The following KANK1 variants were observed in gnomAD, a reference collection of about 807,000 sequenced individuals.
KANK1 encodes the protein KN motif and ankyrin repeat domains 1, also known as KN motif and ankyrin repeat domain-containing protein 1.
In KANK1, 109 loss-of-function variants were observed where a neutral mutation model predicts 106.2. The ratio of observed to expected loss-of-function variants is 1.03; its 90% CI spans 0.88 to 1.20. The LOEUF (loss-of-function observed/expected upper bound fraction) is 1.20. KANK1 is among the 50% of genes most tolerant of loss of function. The pLI is 0.00. For missense variants in KANK1, 2,399 were observed against 1,710.7 expected, an observed-to-expected ratio of 1.40 and a Z score of -7.10; for synonymous variants, 873 against 652.2, an observed-to-expected ratio of 1.34 and a Z score of -5.16.
At chr9:645,671 C>A (rs1266700781) in intron 1 of KANK1, among the ~76,000 whole-genome samples, 1 of 150,402 alleles carries the variant, frequency 6.6e-6, no homozygotes, top group African/African-American at 2.5e-5. Context: ...CACCTGAGAT[C>A]AGGAGTTCGA....
At chr9:727,950 T>C (rs1022274450) in intron 3 of KANK1, among the ~76,000 whole-genome samples, 1 of 152,042 alleles carries the variant, frequency 6.6e-6, no homozygotes, top group Admixed American at 6.6e-5. Context: ...GTTCAGGCCA[T>C]GATGGGAAGG....
intron 1 of KANK1, among the ~76,000 whole-genome samples, chr9:635,715 T>TTTTTG (rs1488932154): frequency 9.6e-5 from 14 of 146,190 alleles, no homozygotes; most frequent in Non-Finnish European, 2.0e-4. Context: ...TTTTTTTTTT[T>TTTTTG]TGAGACGGAG....
chr9:630,530 G>A (rs1470956970), intron 1 of KANK1, among the ~76,000 whole-genome samples: 21 of 151,686 alleles, frequency 1.4e-4, no homozygotes, highest in Non-Finnish European at 2.2e-4. Flanking sequence ...CAGCCTGGGC[G>A]ACAGAGCGAG....
At chr9:645,015 T>C (rs1839328821) in intron 1 of KANK1, among the ~76,000 whole-genome samples, 1 of 148,564 alleles carries the variant, frequency 6.7e-6, no homozygotes, top group Admixed American at 6.7e-5. Flanking sequence ...TCCCAGCTAC[T>C]CTGGAGGCTC....
chr9:524,515 G>GT (rs1040898039), intron 1 of KANK1, among the ~76,000 whole-genome samples: 2 of 151,562 alleles, frequency 1.3e-5, no homozygotes, highest in African/African-American at 2.4e-5. Context: ...TTATTGTGGG[G>GT]TTTTTTGTTT....
chr9:677,538 T>G (rs1398022904), intron 2 of KANK1: 1 of 152,258 alleles, frequency 6.6e-6, no homozygotes, highest in Non-Finnish European at 1.5e-5. Context: ...TATTAGAGAC[T>G]TACATAGTTT....
At position 473,274 on chromosome 9, in the gene KANK1, G is replaced by GT; in HGVS notation, c.-362+2dup. 1 of 152,346 alleles carries GT rather than the reference G, an allele frequency of 6.6e-6. No homozygotes were observed. The highest frequency in any genetic ancestry group is 2.1e-4 in the South Asian group (1 of 4,826). 9.4% of individuals were successfully genotyped at this position (152,346 alleles called of 1,614,324 possible). On this transcript the variant is annotated splice_donor_variant, in intron 3 of 15. Transcript: ENST00000382303. LOFTEE classifies it low-confidence loss of function (5UTR_SPLICE). ...TAAATAGCAGAGACAGAATTTGAAC[G>GT]TGAGTCTGACTGATTCCAAAACCCA... is the stretch of plus-strand genomic sequence containing the variant.
intron 1 of KANK1, among the ~76,000 whole-genome samples, chr9:639,942 A>C (rs2137100725): frequency 6.6e-6 from 1 of 152,206 alleles, no homozygotes; most frequent in East Asian, 1.9e-4. Flanking sequence ...TGAGGGTTCT[A>C]CCCTGATGAT....
At chr9:601,491 G>A (rs1215294520) in intron 1 of KANK1, among the ~76,000 whole-genome samples, 2 of 151,760 alleles carry the variant, frequency 1.3e-5, no homozygotes, top group Non-Finnish European at 2.9e-5. Context: ...ATGTTTCCTA[G>A]TGTTTACCTT....
Position 711,625 on chromosome 9 carries a change from C to T in KANK1, c.859C>T (p.Leu287Phe). ...GGAGCAGGTGCGAACCATCCCTGTGCTCCAGGTAAAGATCTCTGTCTTGCA... is the reference window on the plus strand; with the variant it reads ...GGAGCAGGTGCGAACCATCCCTGTGTTCCAGGTAAAGATCTCTGTCTTGCA... ...LEEQVRTIPVLQVKISVLQEE... is the reference protein window; with the variant it reads ...LEEQVRTIPVFQVKISVLQEE... Residue 287 changes from leucine to phenylalanine, a missense_variant, in exon 3 of 12, where the codon CTC (leucine) becomes TTC (phenylalanine). Coordinates refer to ENST00000382297, the MANE Select transcript of KANK1 (RefSeq NM_015158.5). 1.2e-6 allele frequency: 2 copies of T among 1,614,120 alleles called. No homozygotes were observed. Among genetic ancestry groups the T allele is most frequent in the Non-Finnish European group, 1.7e-6 (2 of 1,180,024 alleles).
intron 1 of KANK1, among the ~76,000 whole-genome samples, chr9:630,170 G>T (rs150950397): frequency 2.9e-3 from 446 of 152,122 alleles, no homozygotes; most frequent in African/African-American, 0.01. Flanking sequence ...ACTGCTTGAG[G>T]CTGGGAGTTC....
At chr9:599,040 C>T (rs1293591808) in intron 1 of KANK1, among the ~76,000 whole-genome samples, 7 of 134,914 alleles carry the variant, frequency 5.2e-5, no homozygotes, top group Admixed American at 2.3e-4. Context: ...TTTTTTGAGA[C>T]GGAGTTTCGC....
intron 1 of KANK1, among the ~76,000 whole-genome samples, chr9:659,513 T>G (rs1451563497): frequency 6.6e-6 from 1 of 152,158 alleles, no homozygotes. Flanking sequence ...GAGAACTGTA[T>G]TAGTCTGTTC....
intron 3 of KANK1, among the ~76,000 whole-genome samples, chr9:486,977 GAT>G (rs1564116813): frequency 6.6e-6 from 1 of 152,134 alleles, no homozygotes; most frequent in Non-Finnish European, 1.5e-5. Context: ...ATATGGTAAT[GAT>G]ATTTAATGTA....
intron 1 of KANK1, among the ~76,000 whole-genome samples, chr9:587,690 A>G (rs954974461): frequency 8.5e-5 from 13 of 152,226 alleles, no homozygotes; most frequent in African/African-American, 3.1e-4. Flanking sequence ...CAAGCTAAAT[A>G]CCAAGCATTT....
chr9:491,091 C>G (rs2058371156), intron 3 of KANK1, among the ~76,000 whole-genome samples: 1 of 151,680 alleles, frequency 6.6e-6, no homozygotes, highest in Admixed American at 6.6e-5. Context: ...TCCCAAGCAC[C>G]TAGGACCACA....
intron 1 of KANK1, among the ~76,000 whole-genome samples, chr9:523,011 T>G (rs1185194715): frequency 6.6e-6 from 1 of 151,764 alleles, no homozygotes; most frequent in East Asian, 1.9e-4. Context: ...TCTCAGTTCT[T>G]GATCTCTTTT....
chr9:618,684 T>A (rs562168809), intron 1 of KANK1, among the ~76,000 whole-genome samples: 112 of 152,290 alleles, frequency 7.4e-4, no homozygotes, highest in Non-Finnish European at 1.2e-3. Flanking sequence ...TTTTAAATGA[T>A]GATGAATGCC....
chr9:624,020 A>G (rs1833797208), intron 1 of KANK1, among the ~76,000 whole-genome samples: 1 of 152,210 alleles, frequency 6.6e-6, no homozygotes, highest in Non-Finnish European at 1.5e-5. Flanking sequence ...AATGTGGTAT[A>G]TATATACAGG....
Sources: gnomAD v4.1 joint callset for allele counts (sites outside exome capture counted in the v4.1 genomes callset) on GRCh38, gnomAD v4.1.1 for gene constraint, MANE v1.5 for transcripts, NCBI Gene and HGNC (gene_info 2026-07-23, HGNC 2026-07-21) for gene names.